Variants in CYP27C1 observed in about 807,000 individuals in gnomAD.
CYP27C1 encodes cytochrome P450 family 27 subfamily C member 1, also known as cytochrome P450 27C1.
CYP27C1 carries 29 observed loss-of-function variants against 40.6 expected under a neutral mutation model. The observed-to-expected ratio is 0.71, with a 90% CI of 0.53 to 0.97. The LOEUF (loss-of-function observed/expected upper bound fraction) is 0.97. CYP27C1 is among the 50% of genes least tolerant of loss of function. The pLI, the probability that CYP27C1 is intolerant of heterozygous loss-of-function variation, is 0.00. For missense variants in CYP27C1, 390 were observed against 485.8 expected (o/e 0.80, Z 1.85); for synonymous variants, 198 against 186.8 (o/e 1.06, Z -0.49).
intron 3 of CYP27C1, among the ~76,000 whole-genome samples, chr2:127,202,084 A>ATTT (rs35508164): frequency 4.2e-5 from 6 of 142,610 alleles, no homozygotes; most frequent in Non-Finnish European, 7.7e-5. Context: ...GATGCATTCT[A>ATTT]TTTTTTTTTT....
chr2:127,204,494 AAG>A lies in CYP27C1; in HGVS notation c.474-925_474-924del, dbSNP rs1683147456. On this transcript the variant is annotated intron_variant, in intron 2 of 8. Coordinates refer to ENST00000664447, the MANE Select transcript of CYP27C1 (RefSeq NM_001367502.1). ...AAAGAAAGAAAGAAAGAAAGGAAGG[AAG>A]GAAGGAAGGAAAGAAAGAAGGAAAG... 8.3e-5 allele frequency among the ~76,000 whole-genome samples: 5 copies of A among 60,486 alleles called. 1 individual carries two copies. Among genetic ancestry groups the A allele is most frequent in the African/African-American group, 2.3e-4 (4 of 17,230 alleles). The allele number at this position is 60,486 out of a possible 152,430, so 39.7% of individuals were successfully genotyped here.
rs546202645 is a variant in CYP27C1, at chr2:127,214,217, G to A, written c.282+5772C>T. The stretch of plus-strand genomic sequence containing the variant: ...GAAACTGAAACACTTTTACACTGTT[G>A]GTGGGAATGTAAATTAGTTAAACCA... On this transcript the variant is annotated intron_variant, in intron 1 of 8. Coordinates refer to ENST00000664447, the MANE Select transcript of CYP27C1 (RefSeq NM_001367502.1). 2.0e-5 allele frequency among the ~76,000 whole-genome samples: 3 copies of A among 152,336 alleles called. No individual in the cohort carries two copies. In the East Asian group the frequency reaches 5.8e-4, roughly 29 times the overall value.
chr2:127,214,483 G>A (rs1683390157), intron 1 of CYP27C1, among the ~76,000 whole-genome samples: 1 of 152,178 alleles, frequency 6.6e-6, no homozygotes. Flanking sequence ...GGAATGCTAT[G>A]CAGTCATAAA....
chr2:127,211,883 A>G (rs1001403139), intron 1 of CYP27C1, among the ~76,000 whole-genome samples: 1 of 152,138 alleles, frequency 6.6e-6, no homozygotes, highest in South Asian at 2.1e-4. Flanking sequence ...AAACCCTCCA[A>G]AAAAATCAAT....
rs1471423311 is a variant in CYP27C1, at chr2:127,204,450, A to AAGAAAG, written c.474-885_474-880dup. On this transcript the variant is annotated intron_variant, in intron 2 of 8. Transcript: ENST00000664447. The stretch of plus-strand genomic sequence containing the variant: ...GAAAGGAAAGAAAGAAAAAGAAAGA[A>AAGAAAG]AGAAAGAAAGAAAGAAAGAAAGAAA... Among the ~76,000 whole-genome samples, 17 of 39,020 alleles carry AAGAAAG rather than the reference A, an allele frequency of 4.4e-4. 1 individual carries two copies. Among genetic ancestry groups the AAGAAAG allele is most frequent in the Non-Finnish European group, 8.6e-4 (17 of 19,746 alleles). The allele number at this position is 39,020 out of a possible 152,430, so 25.6% of individuals were successfully genotyped here.
chr2:127,204,555 G>C (rs12692062), intron 2 of CYP27C1, among the ~76,000 whole-genome samples: 1 of 39,150 alleles, frequency 2.6e-5, no homozygotes. Context: ...GAGAGAGAGA[G>C]AGAAAGAAAG....
Position 127,195,403 on chromosome 2 carries a change from C to T in CYP27C1, c.1146G>A (p.Arg382=). The change falls in exon 6 of 9, where the codon AGG becomes AGA. Residue 382 remains arginine (R), a synonymous_variant. Coordinates refer to ENST00000664447, the MANE Select transcript of CYP27C1 (RefSeq NM_001367502.1). The surrounding 1 kb of genome is among the most constrained non-coding windows in gnomAD (Gnocchi z 6.2). ...GGACATCAGCTGCAGTTGGAACATGCCTTTCCCCTAAATTCTTCACAATCT... is the reference window on the plus strand; with the variant it reads ...GGACATCAGCTGCAGTTGGAACATGTCTTTCCCCTAAATTCTTCACAATCT... ...YREIVKNLGE[R]HVPTAADVPK... 6.2e-7 allele frequency: 1 copy of T among 1,614,146 alleles called. No individual in the cohort carries two copies. Among genetic ancestry groups the T allele is most frequent in the South Asian group, 1.1e-5 (1 of 91,078 alleles).
At chr2:127,203,598 CATCTT>C (rs770725721) in intron 2 of CYP27C1, 27 bp from the exon 3 acceptor site, 1 of 1,593,886 alleles carries the variant, frequency 6.3e-7, no homozygotes, top group African/African-American at 1.4e-5. Flanking sequence ...AGTTTCAAAT[CATCTT>C]ACTTACACTG....
At chr2:127,214,782 GTT>G (rs57262340) in intron 1 of CYP27C1, among the ~76,000 whole-genome samples, 3 of 92,376 alleles carry the variant, frequency 3.2e-5, no homozygotes, top group South Asian at 3.3e-4. Context: ...TCCGTTTTTT[GTT>G]TTTTTTTTTT....
Position 127,203,493 on chromosome 2 carries a change from A to G in CYP27C1, c.552T>C (p.Ser184=), listed in dbSNP as rs752143616. The G allele has an allele frequency of 1.2e-6, 2 of 1,614,102 alleles. No homozygotes were observed. Among genetic ancestry groups the G allele is most frequent in the Non-Finnish European group, 1.7e-6 (2 of 1,180,024 alleles). Residue 184 remains serine (S), a synonymous_variant, in exon 3 of 9, where the codon TCT becomes TCC. Coordinates refer to ENST00000664447, the MANE Select transcript of CYP27C1 (RefSeq NM_001367502.1). The part of the protein sequence containing the change: ...ILKPKDVAIY[S]GEVNQVIADL... ...CAGCAATAACTTGGTTGACTTCTCC[A>G]GAATAAATGGCCACATCTTTCGGTT...
chr2:127,195,765 A>G lies in CYP27C1; in HGVS notation c.1048-264T>C, dbSNP rs780295421. 6.6e-5 allele frequency among the ~76,000 whole-genome samples: 10 copies of G among 152,242 alleles called. No homozygotes were observed. Among genetic ancestry groups the G allele is most frequent in the Non-Finnish European group, 1.3e-4 (9 of 68,034 alleles). On this transcript the variant is annotated intron_variant, in intron 5 of 8. Coordinates refer to ENST00000664447, the MANE Select transcript of CYP27C1 (RefSeq NM_001367502.1). The surrounding 1 kb of genome is among the most constrained non-coding windows in gnomAD (Gnocchi z 6.2). ...ATGTGCTCCTGTCATGAAGAGCCAC[A>G]GGAAAAATGATCCTGGAGCTTTTTT...
intron 7 of CYP27C1, 41 bp downstream of exon 7, chr2:127,193,748 C>G: frequency 6.2e-7 from 1 of 1,610,140 alleles, no homozygotes; most frequent in South Asian, 1.1e-5. Context: ...AATTCAACCC[C>G]GACCCGCAAG....
rs1389210247 is a variant in CYP27C1 at position 127,187,203 on chromosome 2, C to T, written c.*68G>A. The T allele has an allele frequency of 2.7e-6, 3 of 1,100,846 alleles. No individual in the cohort carries two copies. The highest frequency in any genetic ancestry group is 2.5e-5 in the East Asian group (1 of 39,578). The allele number at this position is 1,100,846 out of a possible 1,614,324, so 68.2% of individuals were successfully genotyped here. On this transcript the variant is annotated 3_prime_UTR_variant, in exon 9 of 9. Coordinates refer to ENST00000664447, the MANE Select transcript of CYP27C1 (RefSeq NM_001367502.1). ...CGCTTTCCTTCTCCACGGTGATCAG[C>T]GAACACAAATACCCACTGTGTGTCG...
At chr2:127,211,406 G>A (rs1198332729) in intron 1 of CYP27C1, among the ~76,000 whole-genome samples, 1 of 112,096 alleles carries the variant, frequency 8.9e-6, no homozygotes, top group East Asian at 2.6e-4. Context: ...TTTTTGAGAT[G>A]GAGTCTCGCT....
At position 127,185,036 on chromosome 2, in the gene CYP27C1, C is replaced by A; in HGVS notation, c.*2235G>T. On this transcript the variant is annotated 3_prime_UTR_variant, in exon 9 of 9. Coordinates refer to ENST00000664447, the MANE Select transcript of CYP27C1 (RefSeq NM_001367502.1). The surrounding 1 kb of genome is among the most constrained non-coding windows in gnomAD (Gnocchi z 4.9). ...ATCTCACTGTGTTGCCCAAGCTTGT[C>A]TCAAACTCCTGGCCTCAAGCAATCC... is the stretch of plus-strand genomic sequence containing the variant. 1.3e-5 allele frequency: 2 copies of A among 152,596 alleles called. No individual in the cohort carries two copies. Among genetic ancestry groups the A allele is most frequent in the South Asian group, 4.0e-4 (2 of 4,950 alleles). The allele number at this position is 152,596 out of a possible 1,614,324, so 9.5% of individuals were successfully genotyped here.
chr2:127,211,676 C>T (rs994674545), intron 1 of CYP27C1, among the ~76,000 whole-genome samples: 49 of 152,014 alleles, frequency 3.2e-4, no homozygotes, highest in South Asian at 2.1e-4. Flanking sequence ...TGAGCCACTG[C>T]GCCCGGCCTA....
Position 127,205,883 on chromosome 2 carries a change from C to G in CYP27C1, c.473+17G>C. On this transcript the variant is annotated intron_variant, in intron 2 of 8. Transcript: ENST00000664447. ...TCCCCCTCCAGCCCGTGGCTCAGCC[C>G]GGGCCCACATACTCACGCCGAGATG... 1 of 411,078 alleles carries G rather than the reference C, an allele frequency of 2.4e-6. No homozygotes were observed. The highest frequency in any genetic ancestry group is 3.3e-6 in the Non-Finnish European group (1 of 304,594). The allele number at this position is 411,078 out of a possible 1,614,324, so 25.5% of individuals were successfully genotyped here.
chr2:127,198,186 TAC>T (rs3033450), intron 5 of CYP27C1, among the ~76,000 whole-genome samples: 169 of 148,104 alleles, frequency 1.1e-3, no homozygotes, highest in South Asian at 4.8e-3. Flanking sequence ...AATTTGTTGA[TAC>T]ACACACACAC....
At chr2:127,207,642 C>A (rs1346397787) in intron 1 of CYP27C1, among the ~76,000 whole-genome samples, 1 of 151,702 alleles carries the variant, frequency 6.6e-6, no homozygotes, top group Admixed American at 6.6e-5. Context: ...CACACTCAGG[C>A]CTGGGTGACA....
Sources: allele counts gnomAD v4.1 joint callset (sites outside exome capture counted in the v4.1 genomes callset), GRCh38; gene constraint gnomAD v4.1.1; non-coding constraint Gnocchi (gnomAD v3.1); transcripts MANE v1.5; gene names NCBI Gene and HGNC (gene_info 2026-07-23, HGNC 2026-07-21).